GPSM2: variants seen among roughly 807,000 people sequenced by gnomAD.
The protein encoded by GPSM2 is G protein-signaling modulator 2.
Under a neutral mutation model 78.4 loss-of-function variants are expected in GPSM2, and 58 were observed. The ratio of observed to expected loss-of-function variants is 0.74; its 90% CI spans 0.60 to 0.92. The LOEUF (loss-of-function observed/expected upper bound fraction) is 0.92, where lower values mean the gene tolerates loss of function less well. GPSM2 is among the 40% of genes least tolerant of loss of function. The probability of loss-of-function intolerance (pLI) is 0.00; values close to 1 mark genes in which losing one functional copy is unlikely to be tolerated. For synonymous variants in GPSM2, 224 were observed against 280.2 expected (o/e 0.80, Z 2.00); for missense variants, 700 against 815.5 (o/e 0.86, Z 1.73).
intron 7 of GPSM2, among the ~76,000 whole-genome samples, chr1:108,899,541 C>T (rs546339003): frequency 1.1e-4 from 17 of 152,116 alleles, no homozygotes; most frequent in Non-Finnish European, 2.4e-4. Context: ...AAGCTGAGTC[C>T]CCCATTCACT....
intron 2 of GPSM2, among the ~76,000 whole-genome samples, chr1:108,894,180 A>C (rs1648185300): frequency 6.6e-6 from 1 of 152,258 alleles, no homozygotes; most frequent in African/African-American, 2.4e-5. Flanking sequence ...ATTTTCAGAA[A>C]TACAATTCTA....
chr1:108,883,616 T>A (rs935484003), intron 1 of GPSM2, among the ~76,000 whole-genome samples: 4 of 152,242 alleles, frequency 2.6e-5, no homozygotes, highest in African/African-American at 9.6e-5. Context: ...TATGTATATG[T>A]ATATCCTTCT....
rs766290203 is a variant in GPSM2 at position 108,897,636 on chromosome 1, G to A, written c.414+9G>A. 1.6e-5 allele frequency: 25 copies of A among 1,608,884 alleles called. No homozygotes were observed. Among genetic ancestry groups the A allele is most frequent in the Middle Eastern group, 1.6e-4 (1 of 6,082 alleles). On this transcript the variant is annotated intron_variant, in intron 4 of 14. Transcript: ENST00000264126. ...GAGAGCTTAATGACAAGGTAATACC[G>A]CAGCATTAGATGGTAGGCCTAATAT...
intron 7 of GPSM2, among the ~76,000 whole-genome samples, chr1:108,900,495 T>G (rs1005039431): frequency 1.3e-5 from 2 of 152,110 alleles, no homozygotes; most frequent in African/African-American, 4.8e-5. Context: ...CACCTCAGCC[T>G]CCCAAAGTGC....
chr1:108,909,532 G>A (rs1649532440), intron 10 of GPSM2: 1 of 152,172 alleles, frequency 6.6e-6, no homozygotes, highest in Non-Finnish European at 1.5e-5. Context: ...ACTTAGGACT[G>A]AATTATAAAA....
intron 2 of GPSM2, among the ~76,000 whole-genome samples, chr1:108,893,829 CG>C (rs1210943119): frequency 6.6e-6 from 1 of 151,860 alleles, no homozygotes; most frequent in Non-Finnish European, 1.5e-5. Context: ...CTGAGGCAGG[CG>C]GATCTCCTGA....
intron 2 of GPSM2, among the ~76,000 whole-genome samples, chr1:108,891,115 CGTT>C (rs1165624244): frequency 6.6e-6 from 1 of 152,048 alleles, no homozygotes; most frequent in Non-Finnish European, 1.5e-5. Context: ...TAATTATTGA[CGTT>C]GAAAGATGGA....
At chr1:108,929,664 C>A (rs752155776) in intron 14 of GPSM2, 37 bp from the exon 15 acceptor site, 1 of 1,604,310 alleles carries the variant, frequency 6.2e-7, no homozygotes, top group African/African-American at 1.3e-5. Flanking sequence ...CTTTCTTTCC[C>A]ACAGTATGTC....
rs1652391948 is a variant in GPSM2, at chr1:108,933,735, A to G, written c.*3795A>G. ...AAAATGAGGAATGCTTTTGATAATC[A>G]GAAAGACTAATGTAAAGTGCTGACT... On this transcript the variant is annotated 3_prime_UTR_variant, in exon 15 of 15. Coordinates refer to ENST00000264126, the MANE Select transcript of GPSM2 (RefSeq NM_013296.5). 1 of 152,234 alleles carries G rather than the reference A, an allele frequency of 6.6e-6. No homozygotes were observed. The highest frequency in any genetic ancestry group is 1.5e-5 in the Non-Finnish European group (1 of 68,040). The allele number at this position is 152,234 out of a possible 1,614,324, so 9.4% of individuals were successfully genotyped here.
At position 108,911,214 on chromosome 1, in the gene GPSM2, G is replaced by T. The variant is rs151014090; in HGVS notation, c.1193-3124G>T. Among the ~76,000 whole-genome samples, 5 of 152,172 alleles carry T rather than the reference G, an allele frequency of 3.3e-5. No individual in the cohort carries two copies. The East Asian group carries it at 9.7e-4, about 29-fold the overall frequency. Reference sequence around the variant, plus strand: ...TGTTAATAGATAAAATGTACTTTAAGGCAAAGGGTCTTACTAGAAATGAAG... The same window carrying T: ...TGTTAATAGATAAAATGTACTTTAATGCAAAGGGTCTTACTAGAAATGAAG... On this transcript the variant is annotated intron_variant, in intron 10 of 14. Coordinates refer to ENST00000264126, the MANE Select transcript of GPSM2 (RefSeq NM_013296.5).
rs1652403622 is a variant in GPSM2, at chr1:108,933,796, C to T, written c.*3856C>T. 6.6e-6 allele frequency: 1 copy of T among 152,036 alleles called. No individual in the cohort carries two copies. Among genetic ancestry groups the T allele is most frequent in the East Asian group, 1.9e-4 (1 of 5,198 alleles). The allele number at this position is 152,036 out of a possible 1,614,324, so 9.4% of individuals were successfully genotyped here. A position where few individuals can be genotyped will look rare whatever the true frequency, so the allele number is the denominator to read the frequency against. On this transcript the variant is annotated 3_prime_UTR_variant, in exon 15 of 15. Coordinates refer to ENST00000264126, the MANE Select transcript of GPSM2 (RefSeq NM_013296.5). ...CTGCAGTTAAGGAAGACACCCAACT[C>T]TCTTCTTCCTCATCATGGTATTCTC...
chr1:108,906,236 ATTTAT>A (rs987521265), intron 10 of GPSM2, among the ~76,000 whole-genome samples: 1 of 151,954 alleles, frequency 6.6e-6, no homozygotes, highest in East Asian at 1.9e-4. Context: ...ACTTTTATTT[ATTTAT>A]TTTATTTTAT....
chr1:108,934,350 T>C lies in GPSM2; in HGVS notation c.*4410T>C. On this transcript the variant is annotated 3_prime_UTR_variant, in exon 15 of 15. Coordinates refer to ENST00000264126, the MANE Select transcript of GPSM2 (RefSeq NM_013296.5). ...GTGCCTGTAACAATAAAATTTCTTT[T>C]TCAATGTCCCCAATTCAAACTGGCC... is the stretch of plus-strand genomic sequence containing the variant. 3.7e-6 allele frequency: 1 copy of C among 273,652 alleles called. No homozygotes were observed. The highest frequency in any genetic ancestry group is 8.9e-5 in the South Asian group (1 of 11,192). 17.0% of individuals were successfully genotyped at this position (273,652 alleles called of 1,614,324 possible). A position where few individuals can be genotyped will look rare whatever the true frequency, so the allele number is the denominator to read the frequency against.
chr1:108,906,249 T>C (rs1339490538), intron 10 of GPSM2, among the ~76,000 whole-genome samples: 1 of 152,116 alleles, frequency 6.6e-6, no homozygotes, highest in Non-Finnish European at 1.5e-5. Context: ...TATTTTATTT[T>C]ATTTTATTTT....
intron 1 of GPSM2, among the ~76,000 whole-genome samples, chr1:108,880,654 A>G (rs986364660): frequency 3.3e-5 from 5 of 152,120 alleles, no homozygotes; most frequent in Admixed American, 2.0e-4. Flanking sequence ...AAAATTATGT[A>G]TATGTATTAA....
chr1:108,908,761 G>A (rs976701455), intron 10 of GPSM2, among the ~76,000 whole-genome samples: 1 of 107,600 alleles, frequency 9.3e-6, no homozygotes, highest in Non-Finnish European at 1.9e-5. Flanking sequence ...GCTCATGCCT[G>A]TAATCCCAGC....
At chr1:108,900,278 C>A (rs954347347) in intron 7 of GPSM2, among the ~76,000 whole-genome samples, 4 of 139,574 alleles carry the variant, frequency 2.9e-5, no homozygotes, top group Non-Finnish European at 6.1e-5. Context: ...TTGCTCTTGT[C>A]GCCCAGGCTG....
Position 108,885,688 on chromosome 1 carries a change from T to C in GPSM2, c.56+110T>C, listed in dbSNP as rs974491214. On this transcript the variant is annotated intron_variant, in intron 2 of 14. Transcript: ENST00000264126. ...TGAAAATACTCAAATATACCAGCCATAGTATTGTCTGTAGACAATATTTTC... is the reference window on the plus strand; with the variant it reads ...TGAAAATACTCAAATATACCAGCCACAGTATTGTCTGTAGACAATATTTTC... 5 of 756,150 alleles carry C rather than the reference T, an allele frequency of 6.6e-6. No individual in the cohort carries two copies. The African/African-American group carries it at 8.7e-5, about 13-fold the overall frequency. 46.8% of individuals were successfully genotyped at this position (756,150 alleles called of 1,614,324 possible). A position where few individuals can be genotyped will look rare whatever the true frequency, so the allele number is the denominator to read the frequency against.
intron 11 of GPSM2, among the ~76,000 whole-genome samples, chr1:108,915,426 T>A (rs1650124444): frequency 6.6e-6 from 1 of 151,612 alleles, no homozygotes; most frequent in Admixed American, 6.6e-5. Flanking sequence ...TATTTCTTTT[T>A]TTTCTTTTTT....
Sources: allele counts gnomAD v4.1 joint callset (sites outside exome capture counted in the v4.1 genomes callset), GRCh38; gene constraint gnomAD v4.1.1; transcripts MANE v1.5; gene names NCBI Gene and HGNC (gene_info 2026-07-23, HGNC 2026-07-21).